NLGN1: variants seen among roughly 807,000 people sequenced by gnomAD.
NLGN1 encodes neuroligin-1.
Under a neutral mutation model 65.5 loss-of-function variants are expected in NLGN1, and 12 were observed. The observed-to-expected ratio is 0.18, with a 90% confidence interval of 0.12 to 0.30. The LOEUF (loss-of-function observed/expected upper bound fraction) is 0.30. NLGN1 is among the 10% of genes least tolerant of loss of function. NLGN1 has a pLI of 1.00. For synonymous variants in NLGN1, 350 were observed against 359.5 expected, an observed-to-expected ratio of 0.97 and a Z score of 0.30; for missense variants, 750 against 1,007.1, an observed-to-expected ratio of 0.74 and a Z score of 3.46.
chr3:174,281,518 G>A lies in NLGN1; in HGVS notation c.*215G>A, dbSNP rs545784230. On this transcript the variant is annotated 3_prime_UTR_variant, in exon 7 of 7. Coordinates refer to ENST00000457714, the Ensembl canonical transcript of NLGN1. ...TTCAATTGCTTGAAGCAATTGTTCT[G>A]AATGATACTTTTTCATTCACATTCA... The A allele has an allele frequency of 1.3e-3, 565 of 438,798 alleles. 6 individuals are homozygous for A. The highest frequency in any genetic ancestry group is 1.9e-4 in the Admixed American group (5 of 25,690). The allele number at this position is 438,798 out of a possible 1,614,324, so 27.2% of individuals were successfully genotyped here.
At chr3:173,856,501 T>C (rs551125462) in intron 4 of NLGN1, among the ~76,000 whole-genome samples, 1 of 152,226 alleles carries the variant, frequency 6.6e-6, no homozygotes, top group East Asian at 1.9e-4. Context: ...ACTTCATATT[T>C]AGTAACTGTG....
intron 4 of NLGN1, among the ~76,000 whole-genome samples, chr3:174,076,747 G>GTA (rs1741083152): frequency 6.6e-6 from 1 of 151,760 alleles, no homozygotes; most frequent in African/African-American, 2.4e-5. Flanking sequence ...GTGTGTGTGT[G>GTA]TGTGTGTGTG....
chr3:174,246,377 A>T (rs1215752886), intron 4 of NLGN1, among the ~76,000 whole-genome samples: 2 of 152,196 alleles, frequency 1.3e-5, no homozygotes, highest in African/African-American at 2.4e-5. Flanking sequence ...AGAATAGACA[A>T]GGCCATTATT....
chr3:174,146,093 TTTCCTTCCTTCCTTCC>T (rs35623695), intron 4 of NLGN1, among the ~76,000 whole-genome samples: 5,081 of 125,156 alleles, frequency 0.041, 172 homozygotes, highest in African/African-American at 0.063. Context: ...ATTCTACTCT[TTTCCTTCCTTCCTTCC>T]TTCCTTCCTT....
intron 2 of NLGN1, among the ~76,000 whole-genome samples, chr3:173,542,804 A>C (rs1196326052): frequency 6.6e-6 from 1 of 152,056 alleles, no homozygotes; most frequent in Non-Finnish European, 1.5e-5. Context: ...TATAGTTGAC[A>C]TTTATACTCT....
intron 4 of NLGN1, among the ~76,000 whole-genome samples, chr3:174,115,810 C>A (rs530912435): frequency 6.6e-6 from 1 of 152,236 alleles, no homozygotes; most frequent in East Asian, 1.9e-4. Context: ...CAAAAAATGT[C>A]ATTTAACTCC....
At chr3:174,042,676 C>T (rs9290490) in intron 4 of NLGN1, among the ~76,000 whole-genome samples, 42,546 of 152,096 alleles carry the variant, frequency 0.28, 7,572 homozygotes, top group African/African-American at 0.51. Flanking sequence ...TTAGCATAGA[C>T]TGTTTTATTT....
chr3:174,182,513 G>C (rs1382700182), intron 4 of NLGN1, among the ~76,000 whole-genome samples: 1 of 152,122 alleles, frequency 6.6e-6, no homozygotes, highest in Non-Finnish European at 1.5e-5. Flanking sequence ...GTCACCTAGG[G>C]ATGTTACTAA....
At position 173,548,466 on chromosome 3, in the gene NLGN1, T is replaced by C. The variant is rs1740270879; in HGVS notation, c.-320-55813T>C. 2.0e-5 allele frequency among the ~76,000 whole-genome samples: 3 copies of C among 146,660 alleles called. No homozygotes were observed. In the South Asian group the frequency reaches 6.7e-4, roughly 33 times the overall value. ...TGGGAACTGTGCTTGGAACCCAGAGTGATACCAGCACCTCACATTTTTTTT... is the reference window on the plus strand; with the variant it reads ...TGGGAACTGTGCTTGGAACCCAGAGCGATACCAGCACCTCACATTTTTTTT... On this transcript the variant is annotated intron_variant, in intron 2 of 6. Coordinates refer to ENST00000457714, the Ensembl canonical transcript of NLGN1.
chr3:173,808,112 C>T (rs1428230053), intron 4 of NLGN1, among the ~76,000 whole-genome samples: 3 of 152,074 alleles, frequency 2.0e-5, no homozygotes, highest in Non-Finnish European at 4.4e-5. Context: ...AAGAGTACAT[C>T]TTTGAACAAA....
intron 4 of NLGN1, among the ~76,000 whole-genome samples, chr3:174,153,993 A>G (rs1023780888): frequency 2.0e-5 from 3 of 152,112 alleles, no homozygotes; most frequent in African/African-American, 7.2e-5. Flanking sequence ...GGCATTCACA[A>G]AAGAGTGAAC....
At chr3:173,627,777 T>G (rs994239692) in intron 3 of NLGN1, among the ~76,000 whole-genome samples, 1 of 152,076 alleles carries the variant, frequency 6.6e-6, no homozygotes, top group African/African-American at 2.4e-5. Context: ...TTTTTTTTCT[T>G]AAAAGGACTT....
At chr3:173,454,131 A>G (rs968051246) in intron 2 of NLGN1, among the ~76,000 whole-genome samples, 2 of 152,190 alleles carry the variant, frequency 1.3e-5, no homozygotes, top group Non-Finnish European at 2.9e-5. Context: ...TAATATTTTG[A>G]GAGACATTTT....
intron 4 of NLGN1, among the ~76,000 whole-genome samples, chr3:174,187,612 A>G (rs1185402309): frequency 6.6e-6 from 1 of 152,084 alleles, no homozygotes; most frequent in Non-Finnish European, 1.5e-5. Context: ...TCTGAAAAGA[A>G]GAGTATCAAC....
At chr3:173,697,974 T>A (rs1374095406) in intron 3 of NLGN1, among the ~76,000 whole-genome samples, 1 of 152,148 alleles carries the variant, frequency 6.6e-6, no homozygotes, top group Non-Finnish European at 1.5e-5. Context: ...TAAATGTTTT[T>A]TCCATTGCAG....
chr3:173,810,271 AAT>A (rs577195489), intron 4 of NLGN1, among the ~76,000 whole-genome samples: 8 of 152,242 alleles, frequency 5.3e-5, no homozygotes, highest in Non-Finnish European at 1.0e-4. Flanking sequence ...GAACTGCAAC[AAT>A]AAAGACTGTA....
intron 2 of NLGN1, among the ~76,000 whole-genome samples, chr3:173,554,337 A>G (rs1741375075): frequency 6.6e-6 from 1 of 152,178 alleles, no homozygotes; most frequent in South Asian, 2.1e-4. Context: ...TTAAGTTACT[A>G]TCATTTCTAG....
At chr3:173,711,851 C>T (rs540927078) in intron 3 of NLGN1, among the ~76,000 whole-genome samples, 62 of 152,234 alleles carry the variant, frequency 4.1e-4, no homozygotes, top group African/African-American at 1.4e-3. Flanking sequence ...GGATGCCTCC[C>T]GACACACTCA....
intron 4 of NLGN1, among the ~76,000 whole-genome samples, chr3:174,108,605 A>G (rs1211298268): frequency 6.6e-6 from 1 of 152,116 alleles, no homozygotes; most frequent in Non-Finnish European, 1.5e-5. Flanking sequence ...TAAAGCATTG[A>G]CAAGTGGAGA....
Sources: allele counts gnomAD v4.1 joint callset (sites outside exome capture counted in the v4.1 genomes callset), GRCh38; gene constraint gnomAD v4.1.1; transcripts MANE v1.5; gene names NCBI Gene and HGNC (gene_info 2026-07-23, HGNC 2026-07-21).